Variants in ERBB2 observed in about 807,000 individuals in gnomAD.
The protein encoded by ERBB2 is receptor tyrosine-protein kinase erbB-2.
ERBB2 carries 61 observed loss-of-function variants against 149.0 expected under a neutral mutation model. The observed-to-expected ratio is 0.41, with a 90% CI of 0.33 to 0.51. The LOEUF is 0.51. Among genes scored for constraint, ERBB2 ranks in the 20% least tolerant of loss-of-function variants. The pLI, the probability that ERBB2 is intolerant of heterozygous loss-of-function variation, is 0.25. For synonymous variants in ERBB2, 633 were observed against 678.8 expected (o/e 0.93, Z 1.05); for missense variants, 1,205 against 1,655.1 (o/e 0.73, Z 4.72).
chr17:39,700,168 A>T lies in ERBB2; in HGVS notation c.-71A>T, dbSNP rs2145264085. 2 of 1,340,942 alleles carry T rather than the reference A, an allele frequency of 1.5e-6. No homozygotes were observed. The highest frequency in any genetic ancestry group is 1.9e-6 in the Non-Finnish European group (2 of 1,054,090). The allele number at this position is 1,340,942 out of a possible 1,614,324, so 83.1% of individuals were successfully genotyped here. On this transcript the variant is annotated 5_prime_UTR_variant, in exon 1 of 27. Transcript: ENST00000269571. ...CGCGCGCCCGGCCCCCACCCCTCGCAGCACCCCGCGCCCCGCGCCCTCCCA... is the reference window on the plus strand; with the variant it reads ...CGCGCGCCCGGCCCCCACCCCTCGCTGCACCCCGCGCCCCGCGCCCTCCCA...
rs754712124 is a variant in ERBB2 at position 39,723,871 on chromosome 17, G to A, written c.2209-41G>A. The A allele has an allele frequency of 1.3e-6, 2 of 1,561,494 alleles. No individual in the cohort carries two copies. Among genetic ancestry groups the A allele is most frequent in the Non-Finnish European group, 8.8e-7 (1 of 1,132,866 alleles). On this transcript the variant is annotated intron_variant, in intron 18 of 26. Coordinates refer to ENST00000269571, the MANE Select transcript of ERBB2 (RefSeq NM_004448.4). The surrounding 1 kb of genome is among the most constrained non-coding windows in gnomAD (Gnocchi z 6.2). ...TCTCCTGGAAGGCAGGTAGGATCCA[G>A]CCCACGCTCTTCTCACTCATATCCT...
chr17:39,692,422 T>TTG (rs375364772), upstream of ERBB2, among the ~76,000 whole-genome samples: 4 of 145,192 alleles, frequency 2.8e-5, no homozygotes, highest in Admixed American at 1.4e-4. Flanking sequence ...TTTTTTTTTT[T>TTG]AAACGGAGTT....
rs1267280029 is a variant in ERBB2, at chr17:39,726,345, A to C, written c.2873-217A>C. ...GAAACCTCATCTCAAAAAAATAAAA[A>C]AGCAAACAAAAAGAAAAAAAAAATT... On this transcript the variant is annotated intron_variant, in intron 23 of 26. Transcript: ENST00000269571. This position sits in a 1 kb window ranked among gnomAD's most constrained non-coding sequence, Gnocchi z 5.1. 9 of 566,416 alleles carry C rather than the reference A, an allele frequency of 1.6e-5. No homozygotes were observed. The highest frequency in any genetic ancestry group is 2.8e-5 in the Non-Finnish European group (9 of 317,476). 35.1% of individuals were successfully genotyped at this position (566,416 alleles called of 1,614,324 possible). A position where few individuals can be genotyped will look rare whatever the true frequency, so the allele number is the denominator to read the frequency against.
chr17:39,696,728 G>A (rs1233853717), upstream of ERBB2: 1 of 152,272 alleles, frequency 6.6e-6, no homozygotes, highest in Non-Finnish European at 1.5e-5. Flanking sequence ...GTGTTCTGAG[G>A]AACGTGGCTG....
At chr17:39,720,050 C>T in intron 16 of ERBB2, 2 of 567,412 alleles carry the variant, frequency 3.5e-6, no homozygotes, top group Non-Finnish European at 6.4e-6. Flanking sequence ...GCTAGGAAAC[C>T]CAGTCCCTCC....
Position 39,715,517 on chromosome 17 carries a change from C to T in ERBB2, c.1294C>T (p.Arg432Trp), listed in dbSNP as rs367606199. The stretch of plus-strand genomic sequence containing the variant: ...CGTCTTCCAGAACCTGCAAGTAATC[C>T]GGGGACGAATTCTGCACAAGTGAGC... ...LSVFQNLQVI[R>W]GRILHNGAYS... Residue 432 changes from arginine to tryptophan, a missense_variant, in exon 11 of 27, where the codon CGG becomes TGG. Around this residue, in one of 6 missense-constraint regions of ERBB2, gnomAD observed 569 missense variants for 803.5 expected, o/e 0.71. Coordinates refer to ENST00000269571, the MANE Select transcript of ERBB2 (RefSeq NM_004448.4). The T allele has an allele frequency of 4.3e-5, 69 of 1,614,006 alleles. No individual in the cohort carries two copies. In the African/African-American group the frequency reaches 7.3e-4, roughly 17 times the overall value.
At chr17:39,693,928 A>T (rs908402077), upstream of ERBB2, among the ~76,000 whole-genome samples, 2 of 149,802 alleles carry the variant, frequency 1.3e-5, no homozygotes, top group African/African-American at 4.9e-5. Flanking sequence ...GCTCATGCCC[A>T]TAATCCCAGC....
At position 39,725,283 on chromosome 17, in the gene ERBB2, C is replaced by A. The variant is rs2145872380; in HGVS notation, c.2650-44C>A. ...ATGGGAGAACTCTGAGTGGCCACCT[C>A]CCCACAACACACAGTTGGAGGACTT... On this transcript the variant is annotated intron_variant, in intron 21 of 26. Transcript: ENST00000269571. This position sits in a 1 kb window ranked among gnomAD's most constrained non-coding sequence, Gnocchi z 4.6. The A allele has an allele frequency of 6.2e-7, 1 of 1,612,738 alleles. No homozygotes were observed. The highest frequency in any genetic ancestry group is 8.5e-7 in the Non-Finnish European group (1 of 1,178,860).
rs762733948 is a variant in ERBB2 at position 39,724,755 on chromosome 17, C to T, written c.2337C>T (p.Ser779=). The T allele has an allele frequency of 2.5e-6, 4 of 1,614,170 alleles. No homozygotes were observed. The highest frequency in any genetic ancestry group is 3.3e-5 in the Admixed American group (2 of 60,024). Residue 779 remains serine, a synonymous_variant, in exon 20 of 27, where the codon TCC becomes TCT. Transcript: ENST00000269571. ...CATACGTGATGGCTGGTGTGGGCTCCCCATATGTCTCCCGCCTTCTGGGCA... is the reference window on the plus strand; with the variant it reads ...CATACGTGATGGCTGGTGTGGGCTCTCCATATGTCTCCCGCCTTCTGGGCA... ...DEAYVMAGVG[S]PYVSRLLGIC... is the part of the protein sequence containing the mutation.
chr17:39,725,275 G>C lies in ERBB2; in HGVS notation c.2650-52G>C, dbSNP rs1382518364. 3 of 1,612,718 alleles carry C rather than the reference G, an allele frequency of 1.9e-6. No individual in the cohort carries two copies. The African/African-American group carries it at 4.0e-5, about 22-fold the overall frequency. ...TCTAGCCCATGGGAGAACTCTGAGT[G>C]GCCACCTCCCCACAACACACAGTTG... is the stretch of plus-strand genomic sequence containing the variant. On this transcript the variant is annotated intron_variant, in intron 21 of 26. Coordinates refer to ENST00000269571, the MANE Select transcript of ERBB2 (RefSeq NM_004448.4). The surrounding 1 kb of genome is among the most constrained non-coding windows in gnomAD (Gnocchi z 4.6).
upstream of ERBB2, among the ~76,000 whole-genome samples, chr17:39,692,235 T>A (rs1011908762): frequency 2.0e-5 from 3 of 152,078 alleles, no homozygotes; most frequent in Non-Finnish European, 2.9e-5. Flanking sequence ...ACCTATACAC[T>A]TATATACAGT....
chr17:39,712,691 T>G (rs546137763), intron 9 of ERBB2, among the ~76,000 whole-genome samples: 7 of 152,122 alleles, frequency 4.6e-5, no homozygotes, highest in Admixed American at 3.3e-4. Context: ...TAAAGTAAAA[T>G]TCCCTTTGAG....
chr17:39,727,820 A>C lies in ERBB2; in HGVS notation c.3544A>C (p.Lys1182Gln), dbSNP rs763027953. 4.9e-5 allele frequency: 79 copies of C among 1,613,556 alleles called. No homozygotes were observed. Among genetic ancestry groups the C allele is most frequent in the African/African-American group, 6.7e-5 (5 of 74,924 alleles). ...TLSPGKNGVV[K>Q]DVFAFGGAVE... ...CTCCCCAGGGAAGAATGGGGTCGTC[A>C]AAGACGTTTTTGCCTTTGGGGGTGC... Residue 1182 changes from lysine (K) to glutamine (Q), a missense_variant, in exon 27 of 27, where the codon AAA becomes CAA. Physicochemically the swap from Lys to Gln is moderately conservative, Grantham distance 53. Coordinates refer to ENST00000269571, the MANE Select transcript of ERBB2 (RefSeq NM_004448.4). This position sits in a 1 kb window ranked among gnomAD's most constrained non-coding sequence, Gnocchi z 4.3.
At chr17:39,698,791 T>C (rs1288698617), upstream of ERBB2, among the ~76,000 whole-genome samples, 1 of 152,174 alleles carries the variant, frequency 6.6e-6, no homozygotes, top group African/African-American at 2.4e-5. Context: ...GATAGGTGCC[T>C]TTGATCCCTT....
At chr17:39,704,075 A>T (rs887699343) in intron 1 of ERBB2, among the ~76,000 whole-genome samples, 1 of 152,166 alleles carries the variant, frequency 6.6e-6, no homozygotes, top group African/African-American at 2.4e-5. Context: ...CATGACCTCA[A>T]CTGGTCCCTT....
rs2145576716 is a variant in ERBB2, at chr17:39,712,364, C to T, written c.1064C>T (p.Ala355Val). The T allele has an allele frequency of 6.2e-7, 1 of 1,613,712 alleles. No homozygotes were observed. Among genetic ancestry groups the T allele is most frequent in the East Asian group, 2.2e-5 (1 of 44,864 alleles). The change falls in exon 9 of 27, where the codon GCA (alanine) becomes GTA (valine). Residue 355 changes from alanine to valine, a missense_variant. Ala to Val is a moderately conservative substitution (Grantham distance 64). This residue lies in a region of ERBB2 where 569 missense variants were observed against 803.5 expected (regional missense o/e 0.71). Transcript: ENST00000269571. The stretch of plus-strand genomic sequence containing the variant: ...ATGGAGCACTTGCGAGAGGTGAGGG[C>T]AGTTACCAGTGCCAATATCCAGGAG... ...LGMEHLREVR[A>V]VTSANIQEFA...
Position 39,717,430 on chromosome 17 carries a change from T to G in ERBB2, c.1848T>G (p.Phe616Leu), listed in dbSNP as rs1413869243. The G allele has an allele frequency of 1.9e-6, 3 of 1,613,198 alleles. No individual in the cohort carries two copies. Among genetic ancestry groups the G allele is most frequent in the Non-Finnish European group, 2.5e-6 (3 of 1,179,974 alleles). The change falls in exon 15 of 27, where the codon TTT (phenylalanine) becomes TTG (leucine). Residue 616 changes from phenylalanine (F) to leucine (L), a missense_variant. Physicochemically the swap from Phe to Leu is conservative, Grantham distance 22 (BLOSUM62 0). Coordinates refer to ENST00000269571, the MANE Select transcript of ERBB2 (RefSeq NM_004448.4). ...PDLSYMPIWK[F>L]PDEEGACQPC... The stretch of plus-strand genomic sequence containing the variant: ...TCTCCTACATGCCCATCTGGAAGTT[T>G]CCAGATGAGGAGGGCGCATGCCAGC...
At chr17:39,700,811 C>A (rs2145287352) in intron 1 of ERBB2, among the ~76,000 whole-genome samples, 1 of 152,018 alleles carries the variant, frequency 6.6e-6, no homozygotes, top group African/African-American at 2.4e-5. Flanking sequence ...CTGCTTCTGG[C>A]GGGGTCGGGT....
chr17:39,706,542 G>A (rs1479047670), intron 1 of ERBB2, among the ~76,000 whole-genome samples: 3 of 152,182 alleles, frequency 2.0e-5, no homozygotes, highest in Non-Finnish European at 4.4e-5. Context: ...GTGCTGGAAT[G>A]GCATAGGGAG....
Sources: gnomAD v4.1 joint callset for allele counts (sites outside exome capture counted in the v4.1 genomes callset) on GRCh38, gnomAD v4.1.1 for gene constraint, gnomAD v4.1.1 regional missense constraint, Gnocchi (gnomAD v3.1) non-coding constraint, MANE v1.5 for transcripts, NCBI Gene and HGNC (gene_info 2026-07-23, HGNC 2026-07-21) for gene names.